The following PVT1 variants were observed in gnomAD, a reference collection of about 807,000 sequenced individuals.
PVT1 encodes CXCR4/PVT1 fusion.
chr8:127,864,433 C>T (rs1815264185), intron 2 of PVT1, among the ~76,000 whole-genome samples: 1 of 152,222 alleles, frequency 6.6e-6, no homozygotes, highest in South Asian at 2.1e-4. Context: ...TGGATGCCTG[C>T]TCCTGGCCCT....
At chr8:127,905,749 G>A (rs1473974818) in intron 3 of PVT1, among the ~76,000 whole-genome samples, 1 of 152,168 alleles carries the variant, frequency 6.6e-6, no homozygotes, top group Non-Finnish European at 1.5e-5. Flanking sequence ...TCTCAGGCGA[G>A]GAAATAGAGG....
intron 4 of PVT1, among the ~76,000 whole-genome samples, chr8:128,015,370 A>T (rs934635115): frequency 2.6e-5 from 4 of 152,096 alleles, no homozygotes; most frequent in Admixed American, 2.6e-4. Flanking sequence ...GATTACAAGT[A>T]TGAGCCACTG....
At chr8:127,966,561 G>C (rs1161776514) in intron 3 of PVT1, among the ~76,000 whole-genome samples, 2 of 152,220 alleles carry the variant, frequency 1.3e-5, no homozygotes, top group Non-Finnish European at 2.9e-5. Context: ...CTTGGGAGCA[G>C]TGAAGAGCTT....
At chr8:127,879,767 C>T (rs1815444608) in intron 2 of PVT1, among the ~76,000 whole-genome samples, 1 of 152,208 alleles carries the variant, frequency 6.6e-6, no homozygotes, top group African/African-American at 2.4e-5. Flanking sequence ...GTGGTAATTA[C>T]ATGCTCTTCT....
chr8:127,846,153 A>G (rs1815031281), intron 2 of PVT1, among the ~76,000 whole-genome samples: 1 of 152,226 alleles, frequency 6.6e-6, no homozygotes. Context: ...TTTAAGAGCT[A>G]CTGAACTAAG....
chr8:127,897,629 A>AAGAC (rs137989176), intron 3 of PVT1, among the ~76,000 whole-genome samples: 4 of 150,154 alleles, frequency 2.7e-5, no homozygotes, highest in Admixed American at 1.3e-4. Flanking sequence ...GAAAGAAAGA[A>AAGAC]AGACAGACAA....
intron 4 of PVT1, among the ~76,000 whole-genome samples, chr8:127,992,672 A>G (rs939850483): frequency 6.6e-6 from 1 of 152,210 alleles, no homozygotes; most frequent in Non-Finnish European, 1.5e-5. Flanking sequence ...TGACCTGTCT[A>G]GCTCCTGACC....
intron 5 of PVT1, among the ~76,000 whole-genome samples, chr8:128,085,491 CT>C (rs11306153): frequency 0.48 from 71,897 of 150,874 alleles, 17,517 homozygotes; most frequent in Admixed American, 0.62. Context: ...TGAGAAAAAC[CT>C]TTTTTTTTTA....
At chr8:127,839,956 G>A (rs56209901) in intron 2 of PVT1, among the ~76,000 whole-genome samples, 65,769 of 152,016 alleles carry the variant, frequency 0.43, 14,847 homozygotes, top group Non-Finnish European at 0.5. Flanking sequence ...GCTAAACACA[G>A]TTGATGGCCA....
intron 2 of PVT1, among the ~76,000 whole-genome samples, chr8:127,806,286 C>A (rs1038074399): frequency 1.3e-5 from 2 of 152,050 alleles, no homozygotes; most frequent in African/African-American, 2.4e-5. Flanking sequence ...CATGGTAAAA[C>A]CTCATTTCTA....
At chr8:127,991,244 G>A (rs113430162) in intron 4 of PVT1, among the ~76,000 whole-genome samples, 8,987 of 148,110 alleles carry the variant, frequency 0.061, 867 homozygotes, top group African/African-American at 0.21. Flanking sequence ...CCGGGTTCAC[G>A]CCATTCTCCT....
At chr8:128,026,000 G>A (rs992005839) in intron 4 of PVT1, among the ~76,000 whole-genome samples, 1 of 151,638 alleles carries the variant, frequency 6.6e-6, no homozygotes, top group Non-Finnish European at 1.5e-5. Flanking sequence ...TGTCCAGGCC[G>A]GAGTGCAATG....
intron 2 of PVT1, among the ~76,000 whole-genome samples, chr8:127,807,962 G>A (rs1814546274): frequency 6.6e-6 from 1 of 151,962 alleles, no homozygotes; most frequent in Non-Finnish European, 1.5e-5. Flanking sequence ...TAGAGACGGG[G>A]TTTCACTGTG....
chr8:127,996,510 C>T (rs1817105445), intron 4 of PVT1: 1 of 151,928 alleles, frequency 6.6e-6, no homozygotes, highest in Non-Finnish European at 1.5e-5. Context: ...ACGGACTGCA[C>T]AACAACACTG....
intron 3 of PVT1, among the ~76,000 whole-genome samples, chr8:127,934,089 A>T (rs1193209349): frequency 6.6e-6 from 1 of 152,138 alleles, no homozygotes; most frequent in African/African-American, 2.4e-5. Context: ...CTATCCTTTG[A>T]TGGGTCTCCT....
intron 2 of PVT1, chr8:127,855,379 C>T: frequency 7.6e-6 from 3 of 394,986 alleles, no homozygotes; most frequent in Non-Finnish European, 1.3e-5. Context: ...TTGGATGGCT[C>T]GCTGACCCCA....
chr8:127,939,596 A>T (rs959982961), intron 3 of PVT1: 1 of 152,208 alleles, frequency 6.6e-6, no homozygotes, highest in Non-Finnish European at 1.5e-5. Context: ...GTGGAGGCTG[A>T]ATCATCTCCC....
intron 2 of PVT1, among the ~76,000 whole-genome samples, chr8:127,863,968 C>G (rs940463125): frequency 1.3e-5 from 2 of 152,196 alleles, no homozygotes; most frequent in African/African-American, 2.4e-5. Flanking sequence ...TTTGGCTCAG[C>G]GCGGATGGAG....
chr8:127,794,796 A>G (rs1169187183), intron 1 of PVT1: 1 of 153,158 alleles, frequency 6.5e-6, no homozygotes, highest in African/African-American at 2.4e-5. Flanking sequence ...CTGAGTAGGG[A>G]TGCGCTGTGA....
Sources: allele counts gnomAD v4.1 joint callset (sites outside exome capture counted in the v4.1 genomes callset), GRCh38; gene constraint gnomAD v4.1.1; transcripts MANE v1.5; gene names NCBI Gene and HGNC (gene_info 2026-07-23, HGNC 2026-07-21).